The following POFUT3 variants were observed in gnomAD, a reference collection of about 807,000 sequenced individuals.
The protein encoded by POFUT3 is GDP-fucose protein O-fucosyltransferase 3.
the POFUT3 span, among the ~76,000 whole-genome samples, chr8:33,364,609 G>C: frequency 1.3e-5 from 2 of 152,230 alleles, no homozygotes; most frequent in South Asian, 2.1e-4. Flanking sequence ...AAAATCACAA[G>C]CATTCCTACA....
the POFUT3 span, among the ~76,000 whole-genome samples, chr8:33,397,610 G>A: frequency 6.6e-6 from 1 of 152,190 alleles, no homozygotes; most frequent in East Asian, 1.9e-4. Context: ...GTCCCAGAAT[G>A]TTCTGCAGAA....
At chr8:33,323,573 G>C in the POFUT3 span, among the ~76,000 whole-genome samples, 1 of 152,160 alleles carries the variant, frequency 6.6e-6, no homozygotes, top group African/African-American at 2.4e-5. Context: ...AGATGCCTTG[G>C]AGTAAGTAAT....
chr8:33,467,000 G>A, the POFUT3 span, among the ~76,000 whole-genome samples: 5 of 152,110 alleles, frequency 3.3e-5, no homozygotes, highest in Admixed American at 1.3e-4. Context: ...AGCTACTTGG[G>A]AGGCTGAGGC....
At chr8:33,389,480 C>A in the POFUT3 span, 2 of 1,614,102 alleles carry the variant, frequency 1.2e-6, no homozygotes, top group African/African-American at 2.7e-5. Flanking sequence ...CATCAGCTCG[C>A]GAACATAGCT....
chr8:33,439,071 A>G, the POFUT3 span, among the ~76,000 whole-genome samples: 2 of 152,144 alleles, frequency 1.3e-5, no homozygotes, highest in African/African-American at 4.8e-5. Flanking sequence ...CTGCATCTCA[A>G]CCTAATCCAG....
the POFUT3 span, among the ~76,000 whole-genome samples, chr8:33,343,812 G>A: frequency 4.6e-5 from 7 of 152,296 alleles, no homozygotes; most frequent in South Asian, 4.1e-4. Context: ...ACTCACACAC[G>A]TCTTCTTGAA....
the POFUT3 span, among the ~76,000 whole-genome samples, chr8:33,434,190 G>A: frequency 6.6e-6 from 1 of 152,154 alleles, no homozygotes; most frequent in African/African-American, 2.4e-5. Flanking sequence ...GAACTTGGGA[G>A]GCAGAGGTTG....
chr8:33,425,878 C>T, the POFUT3 span, among the ~76,000 whole-genome samples: 2 of 144,864 alleles, frequency 1.4e-5, no homozygotes, highest in South Asian at 2.2e-4. Flanking sequence ...TGCAGGGAGC[C>T]GAAACAAGAG....
chr8:33,309,199 TAC>T, the POFUT3 span, among the ~76,000 whole-genome samples: 508 of 89,620 alleles, frequency 5.7e-3, 21 homozygotes, highest in East Asian at 0.013. Context: ...TATATATATA[TAC>T]ACACACATAT....
the POFUT3 span, among the ~76,000 whole-genome samples, chr8:33,349,612 T>C: frequency 6.6e-6 from 1 of 152,202 alleles, no homozygotes; most frequent in Non-Finnish European, 1.5e-5. Context: ...ATGCCATTAT[T>C]TGGTTCCTTT....
At chr8:33,400,407 C>T in the POFUT3 span, among the ~76,000 whole-genome samples, 1 of 151,882 alleles carries the variant, frequency 6.6e-6, no homozygotes, top group South Asian at 2.1e-4. Flanking sequence ...GAGGCAAGAT[C>T]GCTCCACTGC....
At chr8:33,449,278 ATTTTTTTTT>A in the POFUT3 span, among the ~76,000 whole-genome samples, 4 of 53,760 alleles carry the variant, frequency 7.4e-5, no homozygotes, top group Admixed American at 3.2e-4. Flanking sequence ...ATCCGAGTTG[ATTTTTTTTT>A]TTTTTTTTTT....
At chr8:33,337,576 A>C in the POFUT3 span, among the ~76,000 whole-genome samples, 186 of 152,294 alleles carry the variant, frequency 1.2e-3, 1 homozygote, top group African/African-American at 4.3e-3. Context: ...CTCTACTCTC[A>C]CCAACAACCA....
the POFUT3 span, among the ~76,000 whole-genome samples, chr8:33,395,437 T>TC: frequency 6.6e-6 from 1 of 151,470 alleles, no homozygotes; most frequent in Non-Finnish European, 1.5e-5. Flanking sequence ...TGGAGAGGAG[T>TC]TTGGCCAGGG....
the POFUT3 span, chr8:33,389,047 T>C: frequency 3.1e-6 from 5 of 1,614,182 alleles, no homozygotes; most frequent in African/African-American, 2.7e-5. Context: ...GGTTGACGTC[T>C]TGCACTCCCC....
chr8:33,436,561 G>A, the POFUT3 span: 3 of 922,184 alleles, frequency 3.3e-6, 1 homozygote, highest in South Asian at 3.9e-5. Context: ...ATCTTCCTCT[G>A]CAGTTCTGTC....
At chr8:33,440,964 C>A in the POFUT3 span, among the ~76,000 whole-genome samples, 6 of 152,140 alleles carry the variant, frequency 3.9e-5, no homozygotes, top group Non-Finnish European at 7.3e-5. Context: ...GGACTCGAAT[C>A]TGTGCCCTAG....
chr8:33,473,118 A>T, the POFUT3 span: 1 of 152,094 alleles, frequency 6.6e-6, no homozygotes, highest in African/African-American at 2.4e-5. Context: ...CTTTCTCCCT[A>T]TGAGCCCAAG....
the POFUT3 span, among the ~76,000 whole-genome samples, chr8:33,423,887 C>CTAGCACTATTG: frequency 6.9e-6 from 1 of 145,966 alleles, no homozygotes; most frequent in Admixed American, 7.0e-5. Context: ...GCCTGTAATC[C>CTAGCACTATTG]TAGCACTATT....
Sources: gnomAD v4.1 joint callset for allele counts (sites outside exome capture counted in the v4.1 genomes callset) on GRCh38, gnomAD v4.1.1 for gene constraint, MANE v1.5 for transcripts, NCBI Gene and HGNC (gene_info 2026-07-23, HGNC 2026-07-21) for gene names.